Variants in CCDC149 observed in about 807,000 individuals in gnomAD.
CCDC149 encodes the protein coiled-coil domain containing 149, also known as coiled-coil domain-containing protein 149.
A neutral mutation model predicts 59.9 loss-of-function variants in CCDC149; 45 were observed. The observed-to-expected ratio is 0.75, with a 90% CI of 0.59 to 0.96. The LOEUF (loss-of-function observed/expected upper bound fraction) is 0.96. Among genes scored for constraint, CCDC149 ranks in the 40% least tolerant of loss-of-function variants. The probability of loss-of-function intolerance (pLI) is 0.00; values close to 1 mark genes in which losing one functional copy is unlikely to be tolerated. For synonymous variants in CCDC149, 245 were observed against 260.6 expected (o/e 0.94, Z 0.58); for missense variants, 584 against 664.7 (o/e 0.88, Z 1.33).
In CCDC149 at chr4:24,821,089, T is replaced by A; in HGVS notation, c.1043-2A>T. 3.2e-6 allele frequency: 4 copies of A among 1,231,136 alleles called. No individual in the cohort carries two copies. The allele number at this position is 1,231,136 out of a possible 1,614,324, so 76.3% of individuals were successfully genotyped here. A position where few individuals can be genotyped will look rare whatever the true frequency, so the allele number is the denominator to read the frequency against. Reference sequence around the variant, plus strand: ...CTACTGAAACATTGTAGCTCAGGCCTTCAGGCAGCAAAAAGAAAAAAAGGA... The same window carrying A: ...CTACTGAAACATTGTAGCTCAGGCCATCAGGCAGCAAAAAGAAAAAAAGGA... On this transcript the variant is annotated splice_acceptor_variant, in intron 10 of 12. Coordinates refer to ENST00000635206, the MANE Select transcript of CCDC149 (RefSeq NM_001330643.2). LOFTEE classifies it high-confidence loss of function.
intron 9 of CCDC149, chr4:24,826,926 G>C (rs985633302): frequency 1.3e-5 from 2 of 152,246 alleles, no homozygotes; most frequent in Non-Finnish European, 2.9e-5. Flanking sequence ...AAACTTGAGA[G>C]AGGTTTGGGG....
At chr4:24,920,345 G>A (rs981530521) in intron 1 of CCDC149, among the ~76,000 whole-genome samples, 3 of 152,232 alleles carry the variant, frequency 2.0e-5, no homozygotes, top group Non-Finnish European at 4.4e-5. Flanking sequence ...AGCTGAGGCT[G>A]TCAAGTGAAG....
chr4:24,917,329 GCACTCCCTGCTGAACTGCCGCGCTCAC>G (rs1303013163), upstream of CCDC149, among the ~76,000 whole-genome samples: 2 of 152,228 alleles, frequency 1.3e-5, no homozygotes, highest in Admixed American at 1.3e-4. Flanking sequence ...GAAGGAAGTT[GCACTCCCTGCTGAACTGCCGCGCTCAC>G]AGTGGCTGAG....
chr4:24,943,337 T>C (rs1447201754), intron 1 of CCDC149, among the ~76,000 whole-genome samples: 1 of 151,740 alleles, frequency 6.6e-6, no homozygotes, highest in Non-Finnish European at 1.5e-5. Context: ...ATTTAATAAA[T>C]GGTGCTGGGA....
chr4:24,813,020 A>G (rs1348130042), intron 12 of CCDC149, among the ~76,000 whole-genome samples: 1 of 152,140 alleles, frequency 6.6e-6, no homozygotes, highest in Non-Finnish European at 1.5e-5. Context: ...TCCTCCCCAC[A>G]TTCATATTGA....
intron 9 of CCDC149, chr4:24,830,111 T>G (rs992451515): frequency 6.6e-6 from 1 of 152,608 alleles, no homozygotes; most frequent in African/African-American, 2.4e-5. Context: ...GAGACTGGTT[T>G]CAGGGCAGCC....
intron 1 of CCDC149, among the ~76,000 whole-genome samples, chr4:24,953,330 C>T (rs1441233532): frequency 6.6e-6 from 1 of 152,194 alleles, no homozygotes; most frequent in Non-Finnish European, 1.5e-5. Flanking sequence ...TTACAAGTCC[C>T]TCCCTCTCCA....
intron 1 of CCDC149, among the ~76,000 whole-genome samples, chr4:24,882,861 G>A (rs17593873): frequency 0.42 from 63,914 of 152,096 alleles, 14,594 homozygotes; most frequent in Non-Finnish European, 0.52. Context: ...TCTCGATGAT[G>A]AATGTGTGAC....
chr4:24,959,181 A>T (rs994631985), intron 1 of CCDC149, among the ~76,000 whole-genome samples: 32 of 152,120 alleles, frequency 2.1e-4, no homozygotes, highest in African/African-American at 7.2e-4. Context: ...TCACCATGTT[A>T]GCCAGGATGG....
intron 1 of CCDC149, among the ~76,000 whole-genome samples, chr4:24,968,757 G>A (rs1723877622): frequency 6.6e-6 from 1 of 152,236 alleles, no homozygotes; most frequent in Non-Finnish European, 1.5e-5. Context: ...TCACCAAGGA[G>A]GTGACACCTA....
intron 1 of CCDC149, among the ~76,000 whole-genome samples, chr4:24,949,930 G>A (rs950173231): frequency 3.3e-5 from 5 of 152,196 alleles, no homozygotes; most frequent in Non-Finnish European, 5.9e-5. Flanking sequence ...GGTGCACAGA[G>A]GGGACAGCAG....
At chr4:24,926,879 C>T (rs775391406) in intron 1 of CCDC149, among the ~76,000 whole-genome samples, 19 of 152,168 alleles carry the variant, frequency 1.2e-4, no homozygotes, top group Admixed American at 2.0e-4. Context: ...AGCACCTACA[C>T]GGGGCCACTC....
intron 1 of CCDC149, among the ~76,000 whole-genome samples, chr4:24,883,203 C>A (rs377401943): frequency 1.6e-3 from 241 of 147,432 alleles, no homozygotes; most frequent in African/African-American, 5.7e-3. Context: ...GTTTTCTTTT[C>A]TTTTTTTTTT....
chr4:24,884,797 CA>C (rs571205642), intron 1 of CCDC149, among the ~76,000 whole-genome samples: 33 of 152,280 alleles, frequency 2.2e-4, no homozygotes, highest in African/African-American at 7.2e-4. Flanking sequence ...ACATTTAAAA[CA>C]GTGTGTTGTA....
chr4:24,830,545 T>C (rs1232732940), intron 9 of CCDC149: 3 of 152,246 alleles, frequency 2.0e-5, no homozygotes, highest in Non-Finnish European at 4.4e-5. Flanking sequence ...TATAATACTT[T>C]CAATCATTTT....
At chr4:24,886,242 A>G (rs1238281913) in intron 1 of CCDC149, among the ~76,000 whole-genome samples, 2 of 152,268 alleles carry the variant, frequency 1.3e-5, no homozygotes, top group Non-Finnish European at 2.9e-5. Context: ...AGCTAGACTC[A>G]GACACAGGTG....
chr4:24,931,841 A>ATATATATATATATATATATATATG (rs1560260670), intron 1 of CCDC149, among the ~76,000 whole-genome samples: 2 of 140,222 alleles, frequency 1.4e-5, no homozygotes, highest in African/African-American at 5.4e-5. Context: ...ATATATATAT[A>ATATATATATATATATATATATATG]TATATATATA....
chr4:24,816,920 A>G (rs1715048976), intron 12 of CCDC149, among the ~76,000 whole-genome samples: 1 of 152,154 alleles, frequency 6.6e-6, no homozygotes, highest in Non-Finnish European at 1.5e-5. Context: ...GCTCTCTGAT[A>G]GGCTTTGTCC....
chr4:24,877,555 A>G (rs1480012066), intron 1 of CCDC149, among the ~76,000 whole-genome samples: 1 of 152,186 alleles, frequency 6.6e-6, no homozygotes, highest in Non-Finnish European at 1.5e-5. Context: ...AATTACCACA[A>G]TAGATTGCAC....
Sources: allele counts gnomAD v4.1 joint callset (sites outside exome capture counted in the v4.1 genomes callset), GRCh38; gene constraint gnomAD v4.1.1; transcripts MANE v1.5; gene names NCBI Gene and HGNC (gene_info 2026-07-23, HGNC 2026-07-21).